MCF2: variants seen among roughly 807,000 people sequenced by gnomAD.
The protein encoded by MCF2 is MCF.2 cell line derived transforming sequence, also known as proto-oncogene DBL.
MCF2 carries 44 observed loss-of-function variants against 82.5 expected under a neutral mutation model. The observed-to-expected ratio is 0.53, with a 90% CI of 0.42 to 0.69. The LOEUF is 0.69. MCF2 is among the 30% of genes least tolerant of loss of function. MCF2 has a pLI of 0.00. For synonymous variants in MCF2, 217 were observed against 224.9 expected (o/e 0.96, Z 0.32); for missense variants, 623 against 663.1 (o/e 0.94, Z 0.66).
chrX:139,707,382 T>C (rs1935610899), intron 1 of MCF2, among the ~76,000 whole-genome samples: 2 of 111,181 alleles, frequency 1.8e-5, no homozygotes, highest in South Asian at 7.6e-4. Context: ...CTAGAGACCC[T>C]GCTTTAAAAA....
intron 1 of MCF2, among the ~76,000 whole-genome samples, chrX:139,652,973 T>C (rs1300282529): frequency 8.9e-6 from 1 of 111,945 alleles, no homozygotes. Flanking sequence ...CATAAAGCAA[T>C]TTTAATTGAT....
intron 1 of MCF2, among the ~76,000 whole-genome samples, chrX:139,663,576 GTT>G (rs57739559): frequency 1.4e-4 from 12 of 86,365 alleles, no homozygotes; most frequent in African/African-American, 1.7e-4. Flanking sequence ...AGTTTGCTTT[GTT>G]TTTTTTTTTT....
At chrX:139,607,536 G>C (rs111346706) in intron 12 of MCF2, 155 bp downstream of exon 16, 8 of 311,280 alleles carry the variant, frequency 2.6e-5, no homozygotes, top group African/African-American at 8.2e-5. Context: ...CACATAAATA[G>C]GCTATAGGTT....
chrX:139,610,582 G>T (rs917734556), intron 10 of MCF2, among the ~76,000 whole-genome samples: 29 of 111,678 alleles, frequency 2.6e-4, no homozygotes, highest in African/African-American at 9.4e-4. Context: ...TCACTTACTT[G>T]CCAAGCATTG....
chrX:139,620,031 A>G (rs771619268), intron 6 of MCF2, among the ~76,000 whole-genome samples: 629 of 87,507 alleles, frequency 7.2e-3, no homozygotes, highest in Middle Eastern at 0.014. Flanking sequence ...GTGTGTGTAT[A>G]TATATATAGC....
chrX:139,645,345 T>A (rs190798157), upstream of MCF2, among the ~76,000 whole-genome samples: 50 of 111,138 alleles, frequency 4.5e-4, no homozygotes, highest in African/African-American at 1.6e-3. Flanking sequence ...CTCTTCTCAC[T>A]CATAACTGGA....
exon 2 of MCF2, chrX:139,632,434 C>G: frequency 8.3e-7 from 1 of 1,201,788 alleles, no homozygotes; most frequent in Non-Finnish European, 1.1e-6. Context: ...AAACCAAGTG[C>G]AAGTTCCCAG....
At chrX:139,621,027 AC>A (rs1447668744) in intron 6 of MCF2, among the ~76,000 whole-genome samples, 2 of 111,467 alleles carry the variant, frequency 1.8e-5, no homozygotes, top group Admixed American at 1.9e-4. Flanking sequence ...AGAATAGAGA[AC>A]CCAGAAATAA....
chrX:139,664,673 T>C (rs1038794571), intron 1 of MCF2, among the ~76,000 whole-genome samples: 1 of 112,680 alleles, frequency 8.9e-6, no homozygotes, highest in Non-Finnish European at 1.9e-5. Flanking sequence ...CCACTGTGGC[T>C]GAGCTAGTAC....
chrX:139,680,778 G>A (rs1313722662), intron 1 of MCF2, among the ~76,000 whole-genome samples: 1 of 112,320 alleles, frequency 8.9e-6, no homozygotes, highest in Non-Finnish European at 1.9e-5. Context: ...CTCCTACTCT[G>A]TAGCTATTCA....
At chrX:139,670,996 A>G (rs1039154176) in intron 1 of MCF2, among the ~76,000 whole-genome samples, 4 of 111,379 alleles carry the variant, frequency 3.6e-5, no homozygotes, top group Non-Finnish European at 7.5e-5. Flanking sequence ...CTTTTTAATG[A>G]TCGCCATTCT....
chrX:139,652,947 G>A (rs73577537), intron 1 of MCF2, among the ~76,000 whole-genome samples: 2,270 of 110,707 alleles, frequency 0.021, 63 homozygotes, highest in African/African-American at 0.071. Context: ...ACACCCCCCC[G>A]ACACATGATT....
upstream of MCF2, among the ~76,000 whole-genome samples, chrX:139,646,567 G>C (rs1933808873): frequency 9.0e-6 from 1 of 111,331 alleles, no homozygotes; most frequent in Non-Finnish European, 1.9e-5. Flanking sequence ...AATACTCCTA[G>C]ATCCCCAATT....
chrX:139,701,643 A>G (rs1427675408), intron 1 of MCF2, among the ~76,000 whole-genome samples: 2 of 111,953 alleles, frequency 1.8e-5, no homozygotes, highest in Non-Finnish European at 3.8e-5. Context: ...CCTACCTACT[A>G]CAAAAACACC....
intron 15 of MCF2, among the ~76,000 whole-genome samples, chrX:139,603,695 C>T (rs1346365251): frequency 1.8e-5 from 2 of 110,455 alleles, no homozygotes; most frequent in Non-Finnish European, 3.8e-5. Context: ...ATTAGCTGGG[C>T]GTGGTGGTGG....
At chrX:139,650,200 A>G (rs758144469) in intron 2 of MCF2, among the ~76,000 whole-genome samples, 2 of 111,289 alleles carry the variant, frequency 1.8e-5, no homozygotes, top group East Asian at 5.7e-4. Context: ...ACAAAAATAT[A>G]AAAATTAGCT....
At chrX:139,674,709 C>A (rs1373669892) in intron 1 of MCF2, among the ~76,000 whole-genome samples, 1 of 112,087 alleles carries the variant, frequency 8.9e-6, no homozygotes, top group African/African-American at 3.2e-5. Context: ...CTCTGATGGG[C>A]TTCCCTTTGT....
chrX:139,619,377 C>T (rs1439242052), intron 7 of MCF2, among the ~76,000 whole-genome samples: 1 of 110,497 alleles, frequency 9.1e-6, no homozygotes, highest in Non-Finnish European at 1.9e-5. Flanking sequence ...AAATAGGGTG[C>T]AGTGTATACT....
chrX:139,685,973 C>A (rs768642095), intron 1 of MCF2, among the ~76,000 whole-genome samples: 10 of 110,482 alleles, frequency 9.1e-5, no homozygotes, highest in Non-Finnish European at 1.7e-4. Flanking sequence ...TCAATAAATG[C>A]GATTCACCAC....
Sources: gnomAD v4.1 joint callset for allele counts (sites outside exome capture counted in the v4.1 genomes callset) on GRCh38, gnomAD v4.1.1 for gene constraint, MANE v1.5 for transcripts, NCBI Gene and HGNC (gene_info 2026-07-23, HGNC 2026-07-21) for gene names.